GPC3: variants seen among roughly 807,000 people sequenced by gnomAD.
The protein encoded by GPC3 is glypican 3, also known as glypican-3.
A neutral mutation model predicts 34.4 loss-of-function variants in GPC3; 3 were observed. That is an observed-to-expected ratio of 0.09 (90% CI 0.04 to 0.23). GPC3 has a LOEUF of 0.23. GPC3 is among the 10% of genes least tolerant of loss of function. The pLI, the probability that GPC3 is intolerant of heterozygous loss-of-function variation, is 1.00. For missense variants in GPC3, 351 were observed against 445.6 expected, an observed-to-expected ratio of 0.79 and a Z score of 1.91; for synonymous variants, 177 against 174.0, an observed-to-expected ratio of 1.02 and a Z score of -0.13.
chrX:133,768,811 G>A (rs762368015), intron 2 of GPC3, among the ~76,000 whole-genome samples: 2 of 110,396 alleles, frequency 1.8e-5, no homozygotes, highest in Admixed American at 1.9e-4. Context: ...GTGGTGGCAT[G>A]CACCTGTAAT....
chrX:133,905,594 C>T (rs775088581), intron 2 of GPC3, among the ~76,000 whole-genome samples: 60 of 112,014 alleles, frequency 5.4e-4, no homozygotes, highest in South Asian at 1.5e-3. Context: ...GAACACTAGT[C>T]TAAGACATCT....
At chrX:133,555,839 TAA>T (rs767111500) in intron 7 of GPC3, among the ~76,000 whole-genome samples, 1 of 96,402 alleles carries the variant, frequency 1.0e-5, no homozygotes, top group African/African-American at 3.8e-5. Context: ...AAAAAAAAAA[TAA>T]AAAAAAAAAG....
At chrX:133,830,239 G>C (rs1418443589) in intron 2 of GPC3, among the ~76,000 whole-genome samples, 1 of 111,548 alleles carries the variant, frequency 9.0e-6, no homozygotes, top group Non-Finnish European at 1.9e-5. Flanking sequence ...ACAAATAGGG[G>C]AAAATGAGTT....
At chrX:133,834,673 A>T (rs1431059478) in intron 2 of GPC3, among the ~76,000 whole-genome samples, 1 of 112,132 alleles carries the variant, frequency 8.9e-6, no homozygotes, top group East Asian at 2.8e-4. Flanking sequence ...ACATATCAGG[A>T]CTGTATTATT....
chrX:133,662,070 G>A (rs993421941), intron 5 of GPC3, among the ~76,000 whole-genome samples: 1 of 110,933 alleles, frequency 9.0e-6, no homozygotes, highest in African/African-American at 3.3e-5. Context: ...CTAGATGTTG[G>A]GAATACAACA....
chrX:133,651,227 A>G lies in GPC3; in HGVS notation c.1413+10503T>C, dbSNP rs752884043. 7.4e-5 allele frequency among the ~76,000 whole-genome samples: 8 copies of G among 107,942 alleles called. No individual in the cohort carries two copies. In the South Asian group the frequency reaches 1.3e-3, roughly 17 times the overall value. The allele number at this position is 107,942 out of a possible 115,157, so 93.7% of individuals were successfully genotyped here. A position where few individuals can be genotyped will look rare whatever the true frequency, so the allele number is the denominator to read the frequency against. ...GAGACAGAGTCTCGCTCTGTCGCCCAGGCTGGAGTGCAGTGGCGCGATCTC... is the reference window on the plus strand; with the variant it reads ...GAGACAGAGTCTCGCTCTGTCGCCCGGGCTGGAGTGCAGTGGCGCGATCTC... On this transcript the variant is annotated intron_variant, in intron 6 of 7. Coordinates refer to ENST00000370818, the MANE Select transcript of GPC3 (RefSeq NM_004484.4).
At position 133,710,352 on chromosome X, in the gene GPC3, C is replaced by T. The variant is rs139575112; in HGVS notation, c.1033-10324G>A. On this transcript the variant is annotated intron_variant, in intron 3 of 7. Coordinates refer to ENST00000370818, the MANE Select transcript of GPC3 (RefSeq NM_004484.4). Reference sequence around the variant, plus strand: ...GTCATTTACTTTCCTTGAAACTCAGCCTCCTCATCTGCAAAATGAAGATAA... The same window carrying T: ...GTCATTTACTTTCCTTGAAACTCAGTCTCCTCATCTGCAAAATGAAGATAA... 5.2e-3 allele frequency among the ~76,000 whole-genome samples: 581 copies of T among 111,994 alleles called. 1 individual carries two copies. Among genetic ancestry groups the T allele is most frequent in the Middle Eastern group, 0.014 (3 of 218 alleles).
chrX:133,554,154 C>A (rs763373916), intron 7 of GPC3, among the ~76,000 whole-genome samples: 251 of 109,762 alleles, frequency 2.3e-3, no homozygotes, highest in Non-Finnish European at 4.1e-3. Context: ...GCTGGGACTA[C>A]AGGTGCGCAC....
intron 2 of GPC3, among the ~76,000 whole-genome samples, chrX:133,819,046 G>T (rs771946435): frequency 9.3e-6 from 1 of 107,070 alleles, no homozygotes; most frequent in African/African-American, 3.4e-5. Flanking sequence ...GCAATGTGCA[G>T]GTTAGTTACA....
intron 3 of GPC3, among the ~76,000 whole-genome samples, chrX:133,713,942 C>G (rs1254697746): frequency 9.0e-6 from 1 of 111,584 alleles, no homozygotes; most frequent in Non-Finnish European, 1.9e-5. Flanking sequence ...CTCAGTGAGC[C>G]AAAATTTTTC....
intron 2 of GPC3, among the ~76,000 whole-genome samples, chrX:133,854,380 A>C (rs1364220127): frequency 8.9e-6 from 1 of 111,871 alleles, no homozygotes; most frequent in Non-Finnish European, 1.9e-5. Flanking sequence ...CTCCACCTCC[A>C]TATCCATTTA....
chrX:133,727,270 G>A (rs1457649816), intron 3 of GPC3, among the ~76,000 whole-genome samples: 1 of 111,700 alleles, frequency 9.0e-6, no homozygotes, highest in Non-Finnish European at 1.9e-5. Context: ...TGTGGGCTGT[G>A]TGCGGTGGCT....
At chrX:133,537,517 C>T (rs767911047) in intron 7 of GPC3, among the ~76,000 whole-genome samples, 3 of 111,310 alleles carry the variant, frequency 2.7e-5, no homozygotes, top group African/African-American at 6.5e-5. Flanking sequence ...GGGCCCAGGA[C>T]CAAGGCTCTG....
chrX:133,866,679 C>T (rs185918411), intron 2 of GPC3, among the ~76,000 whole-genome samples: 12 of 111,654 alleles, frequency 1.1e-4, no homozygotes, highest in Non-Finnish European at 2.1e-4. Flanking sequence ...ATATTTTATG[C>T]TTCTTTAAGA....
At chrX:133,727,407 G>A (rs934233645) in intron 3 of GPC3, among the ~76,000 whole-genome samples, 3 of 110,339 alleles carry the variant, frequency 2.7e-5, no homozygotes, top group East Asian at 2.8e-4. Context: ...AAAATTAGCC[G>A]GGCATGGTGG....
chrX:133,590,607 T>C (rs147509510), intron 7 of GPC3, among the ~76,000 whole-genome samples: 1,628 of 112,066 alleles, frequency 0.015, 25 homozygotes, highest in African/African-American at 0.05. Flanking sequence ...ATTATTAGGT[T>C]GGCGCAAAAT....
intron 2 of GPC3, among the ~76,000 whole-genome samples, chrX:133,843,603 C>T (rs1388407417): frequency 9.0e-6 from 1 of 110,862 alleles, no homozygotes; most frequent in Non-Finnish European, 1.9e-5. Flanking sequence ...AATGCATGAC[C>T]CCATTAGAGA....
chrX:133,720,495 GA>G (rs1386154430), intron 3 of GPC3, among the ~76,000 whole-genome samples: 3 of 111,842 alleles, frequency 2.7e-5, no homozygotes, highest in Non-Finnish European at 5.6e-5. Context: ...ATCCATGTAA[GA>G]TGTGACTTGC....
At chrX:133,899,872 G>A (rs1267539742) in intron 2 of GPC3, among the ~76,000 whole-genome samples, 3 of 111,045 alleles carry the variant, frequency 2.7e-5, no homozygotes, top group Non-Finnish European at 3.8e-5. Context: ...GCATGATCTC[G>A]GCTCACTGCA....
Sources: allele counts gnomAD v4.1 joint callset (sites outside exome capture counted in the v4.1 genomes callset), GRCh38; gene constraint gnomAD v4.1.1; transcripts MANE v1.5; gene names NCBI Gene and HGNC (gene_info 2026-07-23, HGNC 2026-07-21).